The following JADE3 variants were observed in gnomAD, a reference collection of about 807,000 sequenced individuals.
JADE3 encodes the protein protein Jade-3.
JADE3 carries 2 observed loss-of-function variants against 50.1 expected under a neutral mutation model. The ratio of observed to expected loss-of-function variants is 0.04; its 90% CI spans 0.02 to 0.13. The LOEUF (loss-of-function observed/expected upper bound fraction) is 0.13. JADE3 is among the 10% of genes least tolerant of loss of function. The pLI, the probability that JADE3 is intolerant of heterozygous loss-of-function variation, is 1.00. For missense variants in JADE3, 475 were observed against 634.4 expected, an observed-to-expected ratio of 0.75 and a Z score of 2.70; for synonymous variants, 218 against 232.9, an observed-to-expected ratio of 0.94 and a Z score of 0.58.
intron 8 of JADE3, among the ~76,000 whole-genome samples, chrX:47,049,181 C>CTTTTTTT (rs376747614): frequency 6.4e-5 from 5 of 77,520 alleles, no homozygotes; most frequent in African/African-American, 2.1e-4. Flanking sequence ...CTTTCTTCTT[C>CTTTTTTT]TTTTTTTTTT....
intron 1 of JADE3, among the ~76,000 whole-genome samples, chrX:46,962,907 C>T (rs782011752): frequency 9.2e-6 from 1 of 108,563 alleles, no homozygotes; most frequent in Non-Finnish European, 1.9e-5. Flanking sequence ...GGCTCAGTCT[C>T]CGCTCACTGC....
At chrX:46,939,622 T>G (rs1045595849) in intron 1 of JADE3, among the ~76,000 whole-genome samples, 1 of 111,934 alleles carries the variant, frequency 8.9e-6, no homozygotes, top group African/African-American at 3.2e-5. Flanking sequence ...TCCACTGTAA[T>G]GTATTGCTGT....
At chrX:46,963,664 C>T (rs1411397011) in intron 1 of JADE3, among the ~76,000 whole-genome samples, 4 of 111,895 alleles carry the variant, frequency 3.6e-5, no homozygotes, top group African/African-American at 9.8e-5. Context: ...TGAAGTCCAA[C>T]GGCTGTCAAC....
chrX:47,038,056 C>T (rs1279271183), intron 7 of JADE3, among the ~76,000 whole-genome samples: 4 of 111,604 alleles, frequency 3.6e-5, no homozygotes, highest in African/African-American at 1.3e-4. Context: ...GTGTGTCTTT[C>T]TGTGCCTGGC....
intron 1 of JADE3, among the ~76,000 whole-genome samples, chrX:46,938,464 CCTTT>C (rs1926682884): frequency 8.9e-6 from 1 of 111,820 alleles, no homozygotes; most frequent in Non-Finnish European, 1.9e-5. Flanking sequence ...CCTTTATCCT[CCTTT>C]CTTTATGTCA....
At chrX:46,977,839 C>G (rs1228877297) in intron 1 of JADE3, among the ~76,000 whole-genome samples, 3 of 111,183 alleles carry the variant, frequency 2.7e-5, no homozygotes, top group Non-Finnish European at 5.7e-5. Flanking sequence ...CAGGCTGCCT[C>G]TGGGAGGGAG....
intron 8 of JADE3, among the ~76,000 whole-genome samples, chrX:47,050,510 A>C (rs1929482479): frequency 8.9e-6 from 1 of 111,815 alleles, no homozygotes. Flanking sequence ...GTACCCATTG[A>C]CCAGCATTTT....
intron 5 of JADE3, among the ~76,000 whole-genome samples, chrX:47,025,349 A>G (rs781906340): frequency 2.7e-5 from 3 of 111,359 alleles, no homozygotes; most frequent in East Asian, 5.7e-4. Context: ...AGAATCTCCA[A>G]CTTCAGTATT....
At chrX:46,929,223 A>G (rs1246067533) in intron 1 of JADE3, among the ~76,000 whole-genome samples, 2 of 112,169 alleles carry the variant, frequency 1.8e-5, no homozygotes, top group African/African-American at 3.2e-5. Flanking sequence ...TACTTGTCTC[A>G]CATGAAACTT....
intron 10 of JADE3, among the ~76,000 whole-genome samples, chrX:47,057,777 A>G (rs1929658218): frequency 8.9e-6 from 1 of 112,022 alleles, no homozygotes; most frequent in Non-Finnish European, 1.9e-5. Flanking sequence ...GACACATACT[A>G]AGTGCTGTGC....
chrX:47,058,042 A>T (rs1929665756), intron 10 of JADE3, 125 bp from the exon 11 acceptor site: 8 of 559,034 alleles, frequency 1.4e-5, no homozygotes, highest in Non-Finnish European at 2.3e-5. Flanking sequence ...CATGATATAC[A>T]TACATAGCAG....
chrX:46,931,577 A>G (rs1485087892), intron 1 of JADE3, among the ~76,000 whole-genome samples: 1 of 110,106 alleles, frequency 9.1e-6, no homozygotes, highest in African/African-American at 3.3e-5. Flanking sequence ...GCCCGCCACC[A>G]TGCCCAGCTA....
intron 2 of JADE3, 41 bp downstream of exon 2, chrX:46,984,981 T>G: frequency 9.4e-7 from 1 of 1,066,972 alleles, no homozygotes; most frequent in Non-Finnish European, 1.3e-6. Context: ...TTTCTATCTA[T>G]ATCCCTTGAG....
chrX:47,009,044 C>T (rs782698890), intron 4 of JADE3, among the ~76,000 whole-genome samples: 10 of 110,159 alleles, frequency 9.1e-5, no homozygotes, highest in Non-Finnish European at 1.5e-4. Flanking sequence ...ATAGTGGGGT[C>T]GAGTGTAGTG....
At chrX:46,930,267 G>A (rs1926462015) in intron 1 of JADE3, among the ~76,000 whole-genome samples, 1 of 111,868 alleles carries the variant, frequency 8.9e-6, no homozygotes, top group African/African-American at 3.3e-5. Flanking sequence ...GAGAGGGAGA[G>A]AGAGATCCAG....
At chrX:47,002,117 G>T (rs1928301287) in intron 4 of JADE3, among the ~76,000 whole-genome samples, 1 of 110,636 alleles carries the variant, frequency 9.0e-6, no homozygotes, top group African/African-American at 3.3e-5. Context: ...TTTTGATGAA[G>T]TTCAATTTAT....
chrX:46,923,745 A>T (rs1926295469), intron 1 of JADE3, among the ~76,000 whole-genome samples: 1 of 110,226 alleles, frequency 9.1e-6, no homozygotes, highest in Non-Finnish European at 1.9e-5. Context: ...TTCTCTAGTG[A>T]TACATTCATT....
In JADE3 at chrX:47,058,654, G is replaced by A. The variant is rs1556374066; in HGVS notation, c.2049G>A (p.Ser683=). 10 of 1,209,611 alleles carry A rather than the reference G, an allele frequency of 8.3e-6. No homozygotes were observed. The highest frequency in any genetic ancestry group is 3.0e-5 in the East Asian group (1 of 33,756). ...GGAATGTCACCCAAAAAGACAGCTC[G>A]AGTGAGATGTTCTGTGACCAGGAGC... is the stretch of plus-strand genomic sequence containing the variant. ...WSGNVTQKDS[S]SEMFCDQEPV... The change falls in exon 11 of 11, where the codon TCG becomes TCA. Residue 683 remains serine, a synonymous_variant. Transcript: ENST00000614628.
chrX:46,999,352 A>G (rs1358440167), intron 4 of JADE3, among the ~76,000 whole-genome samples: 1 of 105,640 alleles, frequency 9.5e-6, no homozygotes, highest in Non-Finnish European at 1.9e-5. Context: ...CAATACACAA[A>G]CTTTTGGTGA....
Sources: gnomAD v4.1 joint callset for allele counts (sites outside exome capture counted in the v4.1 genomes callset) on GRCh38, gnomAD v4.1.1 for gene constraint, MANE v1.5 for transcripts, NCBI Gene and HGNC (gene_info 2026-07-23, HGNC 2026-07-21) for gene names.